ATE1: variants seen among roughly 807,000 people sequenced by gnomAD.
ATE1 encodes arginyl-tRNA--protein transferase 1.
Under a neutral mutation model 70.5 loss-of-function variants are expected in ATE1, and 36 were observed. That is an observed-to-expected ratio of 0.51 (90% CI 0.39 to 0.67). The LOEUF (loss-of-function observed/expected upper bound fraction) is 0.67. ATE1 is among the 30% of genes least tolerant of loss of function. The pLI, the probability that ATE1 is intolerant of heterozygous loss-of-function variation, is 0.00. For synonymous variants in ATE1, 232 were observed against 219.3 expected (o/e 1.06, Z -0.51); for missense variants, 593 against 629.5 (o/e 0.94, Z 0.62).
At chr10:121,886,191 ATT>A (rs1321124757) in intron 7 of ATE1, among the ~76,000 whole-genome samples, 1 of 151,914 alleles carries the variant, frequency 6.6e-6, no homozygotes, top group East Asian at 1.9e-4. Flanking sequence ...GCTCAACATC[ATT>A]TTGTTATAAC....
At chr10:121,839,388 G>GA (rs1193996860) in intron 9 of ATE1, among the ~76,000 whole-genome samples, 3 of 152,080 alleles carry the variant, frequency 2.0e-5, no homozygotes, top group Non-Finnish European at 4.4e-5. Context: ...ATCCATCTGA[G>GA]AAGCCTAGAA....
At chr10:121,924,547 A>C (rs942753520) in intron 1 of ATE1, among the ~76,000 whole-genome samples, 3 of 151,990 alleles carry the variant, frequency 2.0e-5, no homozygotes, top group Admixed American at 1.3e-4. Context: ...AAAAATACAA[A>C]AATTTAGCTG....
At chr10:121,890,253 T>A (rs1331319725) in intron 7 of ATE1, among the ~76,000 whole-genome samples, 1 of 152,190 alleles carries the variant, frequency 6.6e-6, no homozygotes, top group African/African-American at 2.4e-5. Context: ...TCTTTTAAAA[T>A]GGGAAAATGT....
At chr10:121,768,457 G>A (rs1311957115) in intron 11 of ATE1, among the ~76,000 whole-genome samples, 2 of 152,136 alleles carry the variant, frequency 1.3e-5, no homozygotes, top group Non-Finnish European at 2.9e-5. Flanking sequence ...AAGTAGGTCA[G>A]AGAGGAGGGG....
At chr10:121,906,512 G>C (rs1951197414) in intron 5 of ATE1, among the ~76,000 whole-genome samples, 1 of 149,344 alleles carries the variant, frequency 6.7e-6, no homozygotes, top group Non-Finnish European at 1.5e-5. Flanking sequence ...CTGGGAGACA[G>C]AGTAAGACCC....
chr10:121,910,611 G>A (rs990723399), intron 5 of ATE1, among the ~76,000 whole-genome samples: 1 of 152,076 alleles, frequency 6.6e-6, no homozygotes, highest in Non-Finnish European at 1.5e-5. Context: ...CCTTTTCACT[G>A]AGAAAAATTT....
At chr10:121,890,865 T>C (rs1950555473) in intron 7 of ATE1, among the ~76,000 whole-genome samples, 1 of 152,160 alleles carries the variant, frequency 6.6e-6, no homozygotes, top group Non-Finnish European at 1.5e-5. Flanking sequence ...CACATTACTT[T>C]CTGAAAATCT....
intron 11 of ATE1, among the ~76,000 whole-genome samples, chr10:121,774,081 C>T (rs1945633690): frequency 6.6e-6 from 1 of 152,026 alleles, no homozygotes; most frequent in Admixed American, 6.6e-5. Context: ...ATTCCAAAAC[C>T]CTAATTTTAA....
intron 10 of ATE1, among the ~76,000 whole-genome samples, chr10:121,830,271 G>C (rs916930790): frequency 6.6e-6 from 1 of 152,134 alleles, no homozygotes; most frequent in Non-Finnish European, 1.5e-5. Context: ...TTGGATCATG[G>C]GAGAACTGCC....
At chr10:121,770,111 C>T (rs1174815878) in intron 11 of ATE1, among the ~76,000 whole-genome samples, 1 of 152,128 alleles carries the variant, frequency 6.6e-6, no homozygotes. Context: ...TGTCCTTCAA[C>T]AGGTGAATGG....
At chr10:121,916,789 C>CG in intron 3 of ATE1, among the ~76,000 whole-genome samples, 1 of 151,024 alleles carries the variant, frequency 6.6e-6, no homozygotes, top group South Asian at 2.1e-4. Flanking sequence ...GAGCCAAGAT[C>CG]GCGCCACTGC....
Position 121,740,819 on chromosome 10 carries a change from G to T in ATE1, c.*2861C>A, listed in dbSNP as rs187424511. 5 of 152,016 alleles carry T rather than the reference G, an allele frequency of 3.3e-5. No individual in the cohort carries two copies. The highest frequency in any genetic ancestry group is 4.8e-5 in the African/African-American group (2 of 41,370). The allele number at this position is 152,016 out of a possible 1,614,324, so 9.4% of individuals were successfully genotyped here. A position where few individuals can be genotyped will look rare whatever the true frequency, so the allele number is the denominator to read the frequency against. ...CAAAATGAATGAAAAATAGGATAAA[G>T]CTATTTAAAAGTCAACATAGTAATA... On this transcript the variant is annotated 3_prime_UTR_variant, in exon 12 of 12. Coordinates refer to ENST00000224652, the MANE Select transcript of ATE1 (RefSeq NM_001001976.3).
At chr10:121,920,737 G>A (rs995726084) in intron 3 of ATE1, among the ~76,000 whole-genome samples, 1 of 151,748 alleles carries the variant, frequency 6.6e-6, no homozygotes, top group Admixed American at 6.6e-5. Flanking sequence ...GCTCACGCCT[G>A]TAATATCAGC....
At chr10:121,904,436 T>C (rs892367834) in intron 5 of ATE1, among the ~76,000 whole-genome samples, 4 of 151,078 alleles carry the variant, frequency 2.6e-5, no homozygotes, top group African/African-American at 9.7e-5. Context: ...GGTCAGGAGA[T>C]TGAGACCAAC....
rs1469737461 is a variant in ATE1 at position 121,743,636 on chromosome 10, A to C, written c.*44T>G. ...GGTACTGAATATGTATCCTGGCACA[A>C]ATCATCAGCACAACACAGGAACTTC... On this transcript the variant is annotated 3_prime_UTR_variant, in exon 12 of 12. Transcript: ENST00000224652. 1 of 1,525,504 alleles carries C rather than the reference A, an allele frequency of 6.6e-7. No homozygotes were observed. The highest frequency in any genetic ancestry group is 8.8e-7 in the Non-Finnish European group (1 of 1,139,534). 94.5% of individuals were successfully genotyped at this position (1,525,504 alleles called of 1,614,324 possible).
chr10:121,910,459 G>A (rs1436233436), intron 5 of ATE1, among the ~76,000 whole-genome samples: 1 of 151,422 alleles, frequency 6.6e-6, no homozygotes, highest in Non-Finnish European at 1.5e-5. Context: ...TCAAAATCTG[G>A]ACATTTTAAA....
At chr10:121,905,215 A>T (rs1465113025) in intron 5 of ATE1, among the ~76,000 whole-genome samples, 2 of 152,212 alleles carry the variant, frequency 1.3e-5, no homozygotes, top group South Asian at 2.1e-4. Context: ...AGCTCATAAA[A>T]AATTAACTGC....
At chr10:121,844,163 G>A (rs1259192766) in intron 8 of ATE1, among the ~76,000 whole-genome samples, 1 of 152,198 alleles carries the variant, frequency 6.6e-6, no homozygotes, top group African/African-American at 2.4e-5. Context: ...GCTTTGGGAG[G>A]CCGACGTGGG....
chr10:121,906,130 T>C (rs1250587038), intron 5 of ATE1, among the ~76,000 whole-genome samples: 1 of 152,132 alleles, frequency 6.6e-6, no homozygotes, highest in Non-Finnish European at 1.5e-5. Context: ...TGATGGCTCA[T>C]GTCTCTAAAT....
Sources: gnomAD v4.1 joint callset for allele counts (sites outside exome capture counted in the v4.1 genomes callset) on GRCh38, gnomAD v4.1.1 for gene constraint, MANE v1.5 for transcripts, NCBI Gene and HGNC (gene_info 2026-07-23, HGNC 2026-07-21) for gene names.